The following ASIC2 variants were observed in gnomAD, a reference collection of about 807,000 sequenced individuals.
ASIC2 encodes the protein acid-sensing ion channel 2.
In ASIC2, 25 loss-of-function variants were observed where a neutral mutation model predicts 57.3. The observed-to-expected ratio is 0.44, with a 90% CI of 0.32 to 0.61. The LOEUF (loss-of-function observed/expected upper bound fraction) is 0.61. Among genes scored for constraint, ASIC2 ranks in the 20% least tolerant of loss-of-function variants. The pLI, the probability that ASIC2 is intolerant of heterozygous loss-of-function variation, is 0.06. For missense variants in ASIC2, 641 were observed against 738.1 expected, an observed-to-expected ratio of 0.87 and a Z score of 1.52; for synonymous variants, 319 against 307.5, an observed-to-expected ratio of 1.04 and a Z score of -0.39.
chr17:33,478,518 C>T (rs924556653), intron 1 of ASIC2, among the ~76,000 whole-genome samples: 10 of 152,156 alleles, frequency 6.6e-5, no homozygotes, highest in Non-Finnish European at 1.2e-4. Context: ...TCTAGGTGGC[C>T]TGAGAGGTCG....
chr17:34,143,161 G>T (rs966378803), intron 1 of ASIC2: 1 of 152,166 alleles, frequency 6.6e-6, no homozygotes, highest in Non-Finnish European at 1.5e-5. Flanking sequence ...AAAAAAGCAT[G>T]ATGTCTTCAC....
chr17:33,379,805 A>G (rs959460455), intron 1 of ASIC2, among the ~76,000 whole-genome samples: 2 of 152,190 alleles, frequency 1.3e-5, no homozygotes, highest in East Asian at 3.8e-4. Context: ...TCTCAAGGTG[A>G]AGATGGGTGT....
chr17:33,695,207 G>C (rs926392021), intron 1 of ASIC2, among the ~76,000 whole-genome samples: 1 of 152,094 alleles, frequency 6.6e-6, no homozygotes, highest in Non-Finnish European at 1.5e-5. Context: ...GCAGGGAGTT[G>C]GTAGATATCA....
At chr17:33,067,872 C>A (rs1204279174) in intron 3 of ASIC2, among the ~76,000 whole-genome samples, 1 of 152,188 alleles carries the variant, frequency 6.6e-6, no homozygotes, top group Non-Finnish European at 1.5e-5. Context: ...GGAATGACTT[C>A]TTTAATGCAT....
chr17:33,707,570 C>A (rs974354636), intron 1 of ASIC2, among the ~76,000 whole-genome samples: 1 of 152,138 alleles, frequency 6.6e-6, no homozygotes, highest in African/African-American at 2.4e-5. Flanking sequence ...TTTTAAAAAT[C>A]ATGTAATTCT....
intron 1 of ASIC2, among the ~76,000 whole-genome samples, chr17:33,202,471 C>T (rs1405991502): frequency 1.3e-5 from 2 of 151,790 alleles, no homozygotes; most frequent in African/African-American, 4.8e-5. Context: ...CCTCATCCCC[C>T]TAGAGATTGT....
At chr17:33,491,485 G>A (rs1306185602) in intron 1 of ASIC2, among the ~76,000 whole-genome samples, 2 of 152,166 alleles carry the variant, frequency 1.3e-5, no homozygotes, top group Non-Finnish European at 1.5e-5. Context: ...TATTTCTATG[G>A]GAGAGCGGCT....
chr17:33,055,405 T>C (rs1193468404), intron 3 of ASIC2, among the ~76,000 whole-genome samples: 2 of 152,204 alleles, frequency 1.3e-5, no homozygotes, highest in African/African-American at 4.8e-5. Flanking sequence ...CAAGGGCCTC[T>C]GGGGTCAGCC....
chr17:33,214,615 T>C (rs1186933723), intron 1 of ASIC2, among the ~76,000 whole-genome samples: 1 of 152,184 alleles, frequency 6.6e-6, no homozygotes, highest in South Asian at 2.1e-4. Flanking sequence ...ATGAGCTACT[T>C]GGAGATCTTG....
Position 33,595,166 on chromosome 17 carries a change from CAG to C in ASIC2, c.556-483101_556-483100del, listed in dbSNP as rs1399999192. Among the ~76,000 whole-genome samples the C allele has an allele frequency of 6.6e-5, 10 of 152,236 alleles. No homozygotes were observed. The East Asian group carries it at 1.9e-3, about 29-fold the overall frequency. ...GCTAGAGCCCTGTAAGTTGAAATTG[CAG>C]AGAGCCATGATGGCACCATTGCCCT... On this transcript the variant is annotated intron_variant, in intron 1 of 9. Coordinates refer to the ASIC2 transcript ENST00000359872.
At chr17:33,753,486 G>T (rs1374612631) in intron 1 of ASIC2, among the ~76,000 whole-genome samples, 1 of 152,154 alleles carries the variant, frequency 6.6e-6, no homozygotes, top group East Asian at 1.9e-4. Context: ...AATGTGAAAA[G>T]AAAAACTTCA....
At chr17:33,887,303 G>A (rs1042662134) in intron 1 of ASIC2, among the ~76,000 whole-genome samples, 1 of 152,168 alleles carries the variant, frequency 6.6e-6, no homozygotes, top group African/African-American at 2.4e-5. Flanking sequence ...TCCTAGAGTG[G>A]CTTACTGTCT....
At chr17:33,390,194 T>C (rs1393010849) in intron 1 of ASIC2, among the ~76,000 whole-genome samples, 2 of 151,896 alleles carry the variant, frequency 1.3e-5, no homozygotes, top group Non-Finnish European at 2.9e-5. Context: ...ACGCCTGTAA[T>C]CCCAGCTACT....
intron 1 of ASIC2, among the ~76,000 whole-genome samples, chr17:33,816,341 T>C (rs766878910): frequency 3.1e-4 from 47 of 152,252 alleles, no homozygotes; most frequent in Middle Eastern, 3.4e-3. Flanking sequence ...TCTAAAAGCA[T>C]GAATGAATGC....
At chr17:33,413,263 T>C (rs1430616416) in intron 1 of ASIC2, among the ~76,000 whole-genome samples, 1 of 152,252 alleles carries the variant, frequency 6.6e-6, no homozygotes, top group Non-Finnish European at 1.5e-5. Context: ...AGCAAATTCA[T>C]TCATTAATGG....
chr17:34,133,464 C>T (rs1221230987), intron 1 of ASIC2, among the ~76,000 whole-genome samples: 3 of 152,242 alleles, frequency 2.0e-5, no homozygotes, highest in African/African-American at 7.2e-5. Flanking sequence ...GGCTACAGAA[C>T]ATCAGTGCAT....
chr17:34,130,630 C>T (rs1911924405), intron 1 of ASIC2, among the ~76,000 whole-genome samples: 1 of 152,210 alleles, frequency 6.6e-6, no homozygotes, highest in African/African-American at 2.4e-5. Flanking sequence ...ATTTCCTCTT[C>T]CAAACTCTGG....
At chr17:33,143,918 T>C (rs1210557295) in intron 1 of ASIC2, among the ~76,000 whole-genome samples, 2 of 152,134 alleles carry the variant, frequency 1.3e-5, no homozygotes, top group Non-Finnish European at 2.9e-5. Context: ...AGGAGAAAGA[T>C]TAAATGCAGT....
intron 1 of ASIC2, among the ~76,000 whole-genome samples, chr17:33,436,355 C>T (rs1042540967): frequency 6.6e-6 from 1 of 152,178 alleles, no homozygotes; most frequent in African/African-American, 2.4e-5. Flanking sequence ...GGCCAGAGGT[C>T]ACAAGATTTG....
Sources: gnomAD v4.1 joint callset for allele counts (sites outside exome capture counted in the v4.1 genomes callset) on GRCh38, gnomAD v4.1.1 for gene constraint, MANE v1.5 for transcripts, NCBI Gene and HGNC (gene_info 2026-07-23, HGNC 2026-07-21) for gene names.